RAB2B: variants seen among roughly 807,000 people sequenced by gnomAD.
RAB2B encodes the protein RAB2B, member RAS oncogene family, also known as ras-related protein Rab-2B.
Under a neutral mutation model 29.8 loss-of-function variants are expected in RAB2B, and 20 were observed. The ratio of observed to expected loss-of-function variants is 0.67; its 90% confidence interval spans 0.47 to 0.97. The LOEUF (loss-of-function observed/expected upper bound fraction) is 0.97, where lower values mean the gene tolerates loss of function less well. RAB2B is among the 50% of genes least tolerant of loss of function. The pLI, the probability that RAB2B is intolerant of heterozygous loss-of-function variation, is 0.00. For synonymous variants in RAB2B, 93 were observed against 91.7 expected, an observed-to-expected ratio of 1.01 and a Z score of -0.08; for missense variants, 218 against 272.0, an observed-to-expected ratio of 0.80 and a Z score of 1.40.
At chr14:21,472,228 AT>A (rs1403978001) in intron 3 of RAB2B, among the ~76,000 whole-genome samples, 2 of 152,248 alleles carry the variant, frequency 1.3e-5, no homozygotes, top group Non-Finnish European at 2.9e-5. Flanking sequence ...TAAAATACCT[AT>A]TCATTAGCAT....
chr14:21,476,343 TC>T, intron 2 of RAB2B, 184 bp downstream of exon 2: 1 of 611,848 alleles, frequency 1.6e-6, no homozygotes, highest in South Asian at 2.2e-5. Context: ...AATTATATAC[TC>T]TCCCTTACAC....
Position 21,460,312 on chromosome 14 carries a change from G to T in RAB2B, c.*884C>A, listed in dbSNP as rs1473156565. 3 of 517,088 alleles carry T rather than the reference G, an allele frequency of 5.8e-6. No homozygotes were observed. The highest frequency in any genetic ancestry group is 4.2e-5 in the South Asian group (3 of 71,534). The allele number at this position is 517,088 out of a possible 1,614,324, so 32.0% of individuals were successfully genotyped here. On this transcript the variant is annotated 3_prime_UTR_variant, in exon 8 of 8. Coordinates refer to ENST00000397762, the MANE Select transcript of RAB2B (RefSeq NM_032846.4). ...TTACGAAATTATTTATTTAGGCCAG[G>T]CACGGTGGCTCACACCTGTAATCCA...
rs1315373819 is a variant in RAB2B, at chr14:21,460,510, G to C, written c.*686C>G. On this transcript the variant is annotated 3_prime_UTR_variant, in exon 8 of 8. Transcript: ENST00000397762. ...TGAGGCAGGAGAACTGCTTGAACCT[G>C]GAAAGTGGAGGTTGCAGTGAGCCAA... 2 of 224,474 alleles carry C rather than the reference G, an allele frequency of 8.9e-6. No individual in the cohort carries two copies. Among genetic ancestry groups the C allele is most frequent in the Non-Finnish European group, 1.7e-5 (2 of 115,432 alleles). 13.9% of individuals were successfully genotyped at this position (224,474 alleles called of 1,614,324 possible). A position where few individuals can be genotyped will look rare whatever the true frequency, so the allele number is the denominator to read the frequency against.
At chr14:21,464,552 A>G (rs936584069) in intron 5 of RAB2B, among the ~76,000 whole-genome samples, 1 of 152,244 alleles carries the variant, frequency 6.6e-6, no homozygotes, top group African/African-American at 2.4e-5. Context: ...AGTTGTCTTA[A>G]GTCTCACTGG....
intron 5 of RAB2B, 97 bp downstream of exon 5, chr14:21,468,260 A>G (rs1280613165): frequency 1.1e-6 from 1 of 934,130 alleles, no homozygotes; most frequent in East Asian, 2.5e-5. Flanking sequence ...TTACTGAAAC[A>G]CTAAGACCAC....
intron 6 of RAB2B, among the ~76,000 whole-genome samples, chr14:21,463,356 C>G (rs1594407680): frequency 6.6e-6 from 1 of 150,938 alleles, no homozygotes; most frequent in Non-Finnish European, 1.5e-5. Context: ...AAGCAATTCT[C>G]CTGTCTCAGC....
intron 5 of RAB2B, among the ~76,000 whole-genome samples, chr14:21,465,617 C>G (rs573388995): frequency 6.6e-6 from 1 of 152,280 alleles, no homozygotes; most frequent in South Asian, 2.1e-4. Context: ...CTTTTAAAAT[C>G]TGATCAAGCC....
At position 21,473,702 on chromosome 14, in the gene RAB2B, AC is replaced by A. The variant is rs552960903; in HGVS notation, c.186+1164del. On this transcript the variant is annotated intron_variant, in intron 3 of 7. Coordinates refer to ENST00000397762, the MANE Select transcript of RAB2B (RefSeq NM_032846.4). Reference sequence around the variant, plus strand: ...ACACCGGCCTGGCCAACATGGCAAAACCCCATCTCTATTAAAAATACAAAAA... The same window carrying A: ...ACACCGGCCTGGCCAACATGGCAAAACCCATCTCTATTAAAAATACAAAAA... 5.7e-3 allele frequency among the ~76,000 whole-genome samples: 872 copies of A among 151,992 alleles called. 8 individuals carry two copies. The highest frequency in any genetic ancestry group is 0.02 in the African/African-American group (832 of 41,462).
chr14:21,476,679 G>T (rs1416256775), intron 1 of RAB2B, 80 bp from the exon 2 acceptor site: 4 of 1,612,216 alleles, frequency 2.5e-6, no homozygotes, highest in Admixed American at 1.7e-5. Flanking sequence ...CCAGAGAAGG[G>T]GGGCTCCCGA....
At chr14:21,473,272 T>G (rs557576490) in intron 3 of RAB2B, among the ~76,000 whole-genome samples, 11 of 152,170 alleles carry the variant, frequency 7.2e-5, no homozygotes, top group Non-Finnish European at 1.5e-4. Context: ...AGAAACAGAA[T>G]CACATAGTAA....
In RAB2B at chr14:21,460,210, C is replaced by G. The variant is rs1890508431; in HGVS notation, c.*986G>C. On this transcript the variant is annotated 3_prime_UTR_variant, in exon 8 of 8. Coordinates refer to ENST00000397762, the MANE Select transcript of RAB2B (RefSeq NM_032846.4). ...AGAGGATCTATCAACCAAAGGCCAA[C>G]TAGATCTAGGTAATTGCAAGTGTTC... The G allele has an allele frequency of 1.9e-6, 1 of 518,848 alleles. No homozygotes were observed. The highest frequency in any genetic ancestry group is 3.8e-6 in the Non-Finnish European group (1 of 259,854). 32.1% of individuals were successfully genotyped at this position (518,848 alleles called of 1,614,324 possible).
rs545733102 is a variant in RAB2B, at chr14:21,476,852, G to A, written c.21C>T (p.Phe7=). The A allele has an allele frequency of 3.7e-6, 6 of 1,613,286 alleles. No individual in the cohort carries two copies. In the East Asian group the frequency reaches 1.3e-4, roughly 36 times the overall value. The part of the protein sequence containing the change: MTYAYL[F]KYIIIGDTGV... Reference sequence around the variant, plus strand: ...CTGTGTCTCCGATGATGATATACTTGAAGAGATAAGCATAAGTCATGGTGT... The same window carrying A: ...CTGTGTCTCCGATGATGATATACTTAAAGAGATAAGCATAAGTCATGGTGT... Residue 7 remains phenylalanine, a synonymous_variant, in exon 1 of 8, where the codon TTC becomes TTT. Coordinates refer to ENST00000397762, the MANE Select transcript of RAB2B (RefSeq NM_032846.4).
At chr14:21,472,192 T>G (rs902860442) in intron 3 of RAB2B, among the ~76,000 whole-genome samples, 5 of 152,196 alleles carry the variant, frequency 3.3e-5, no homozygotes, top group Non-Finnish European at 5.9e-5. Flanking sequence ...AATTTGATAT[T>G]ATTTGATCAG....
At chr14:21,466,240 T>A (rs751975826) in intron 5 of RAB2B, among the ~76,000 whole-genome samples, 1 of 151,970 alleles carries the variant, frequency 6.6e-6, no homozygotes, top group African/African-American at 2.4e-5. Flanking sequence ...ATCCCAGCAC[T>A]TTGGGAGGCC....
rs1012496699 is a variant in RAB2B at position 21,460,446 on chromosome 14, G to T, written c.*750C>A. 1 of 357,934 alleles carries T rather than the reference G, an allele frequency of 2.8e-6. No individual in the cohort carries two copies. Among genetic ancestry groups the T allele is most frequent in the African/African-American group, 2.1e-5 (1 of 46,746 alleles). The allele number at this position is 357,934 out of a possible 1,614,324, so 22.2% of individuals were successfully genotyped here. On this transcript the variant is annotated 3_prime_UTR_variant, in exon 8 of 8. Transcript: ENST00000397762. ...CTAAAAATACAAAAATGAGCCAGGT[G>T]TGGTGGCACATGCCTGTAGTCCCAG...
chr14:21,462,222 T>G (rs56719531), intron 7 of RAB2B, 128 bp downstream of exon 7: 79,026 of 549,022 alleles, frequency 0.14, 8,140 homozygotes, highest in African/African-American at 0.37. Context: ...AAAAAAAAAG[T>G]GTTGAATTGG....
Position 21,460,372 on chromosome 14 carries a change from G to T in RAB2B, c.*824C>A, listed in dbSNP as rs766638909. 12 of 491,682 alleles carry T rather than the reference G, an allele frequency of 2.4e-5. No individual in the cohort carries two copies. In the Middle Eastern group the frequency reaches 1.4e-3, roughly 56 times the overall value. 30.5% of individuals were successfully genotyped at this position (491,682 alleles called of 1,614,324 possible). On this transcript the variant is annotated 3_prime_UTR_variant, in exon 8 of 8. Coordinates refer to ENST00000397762, the MANE Select transcript of RAB2B (RefSeq NM_032846.4). ...GAGGCCAAGGTGGGCGGATCACGAG[G>T]TCAAGAGATCAAGACCATCCTGGCC...
At chr14:21,471,914 G>A (rs1470701832) in intron 3 of RAB2B, among the ~76,000 whole-genome samples, 2 of 152,008 alleles carry the variant, frequency 1.3e-5, no homozygotes, top group Admixed American at 1.3e-4. Context: ...GACCTCAGGT[G>A]ATCCGCCTGC....
chr14:21,468,312 C>T (rs1890730045), intron 5 of RAB2B, 45 bp downstream of exon 5: 2 of 1,428,694 alleles, frequency 1.4e-6, no homozygotes, highest in South Asian at 2.3e-5. Flanking sequence ...CATAGAGTAC[C>T]TAGATGACTC....
Sources: allele counts gnomAD v4.1 joint callset (sites outside exome capture counted in the v4.1 genomes callset), GRCh38; gene constraint gnomAD v4.1.1; transcripts MANE v1.5; gene names NCBI Gene and HGNC (gene_info 2026-07-23, HGNC 2026-07-21).